The following ANKRD31 variants were observed in gnomAD, a reference collection of about 807,000 sequenced individuals.
ANKRD31 encodes ankyrin repeat domain 31, also known as ankyrin repeat domain-containing protein 31.
Under a neutral mutation model 186.0 loss-of-function variants are expected in ANKRD31, and 147 were observed. The ratio of observed to expected loss-of-function variants is 0.79; its 90% CI spans 0.69 to 0.91. ANKRD31 has a LOEUF of 0.91. Among genes scored for constraint, ANKRD31 ranks in the 40% least tolerant of loss-of-function variants. The pLI is 0.00. For missense variants in ANKRD31, 1,986 were observed against 2,148.8 expected (o/e 0.92, Z 1.50); for synonymous variants, 673 against 736.4 (o/e 0.91, Z 1.39).
At chr5:75,191,484 C>T (rs1429051234) in intron 9 of ANKRD31, among the ~76,000 whole-genome samples, 3 of 152,062 alleles carry the variant, frequency 2.0e-5, no homozygotes, top group South Asian at 2.1e-4. Context: ...TGGCTAGTCT[C>T]TCATATTTAC....
At chr5:75,164,749 T>C (rs907318421) in intron 11 of ANKRD31, among the ~76,000 whole-genome samples, 2 of 152,214 alleles carry the variant, frequency 1.3e-5, no homozygotes, top group African/African-American at 2.4e-5. Context: ...ACCACAGCTC[T>C]TATAGCAACC....
intron 25 of ANKRD31, among the ~76,000 whole-genome samples, chr5:75,072,943 A>G (rs908314601): frequency 2.6e-5 from 4 of 152,186 alleles, no homozygotes; most frequent in Admixed American, 2.0e-4. Context: ...TGATATATAA[A>G]TGCAGCCATC....
Position 75,144,151 on chromosome 5 carries a change from T to C in ANKRD31, c.3445A>G (p.Ile1149Val). 2.5e-6 allele frequency: 1 copy of C among 397,310 alleles called. No individual in the cohort carries two copies. Among genetic ancestry groups the C allele is most frequent in the East Asian group, 3.6e-5 (1 of 27,924 alleles). The allele number at this position is 397,310 out of a possible 1,614,324, so 24.6% of individuals were successfully genotyped here. Residue 1149 changes from isoleucine (I) to valine (V), a missense_variant, in exon 15 of 26, where the codon ATC (isoleucine) becomes GTC (valine). Ile to Val is a conservative substitution (Grantham distance 29, BLOSUM62 3). Transcript: ENST00000506364. The stretch of plus-strand genomic sequence containing the variant: ...CTTATAGTTATTTCATCTCCACTGA[T>C]GTTATTAGTTAATTCCTCATCTGAA... ...HKPDEELTNN[I>V]SGDEITIRNC...
chr5:75,181,358 C>T (rs560740843), intron 10 of ANKRD31, among the ~76,000 whole-genome samples: 44 of 152,104 alleles, frequency 2.9e-4, no homozygotes, highest in African/African-American at 8.2e-4. Context: ...CTAGAAATAC[C>T]ATTTGACCCA....
At chr5:75,094,887 T>C (rs992050144) in intron 22 of ANKRD31, among the ~76,000 whole-genome samples, 1 of 152,060 alleles carries the variant, frequency 6.6e-6, no homozygotes, top group Non-Finnish European at 1.5e-5. Context: ...GGAATGGCTA[T>C]ACAATATCAA....
intron 2 of ANKRD31, among the ~76,000 whole-genome samples, chr5:75,226,243 C>T (rs967122309): frequency 6.6e-6 from 1 of 152,166 alleles, no homozygotes; most frequent in Non-Finnish European, 1.5e-5. Flanking sequence ...GCTCACTGTA[C>T]TGAAGGGAAG....
intron 17 of ANKRD31, among the ~76,000 whole-genome samples, chr5:75,124,931 A>G (rs777550791): frequency 9.9e-5 from 15 of 152,208 alleles, no homozygotes; most frequent in Non-Finnish European, 2.1e-4. Flanking sequence ...CAATATATCC[A>G]TTTAACAAAA....
At chr5:75,202,424 G>A (rs1314145000) in intron 5 of ANKRD31, among the ~76,000 whole-genome samples, 3 of 152,010 alleles carry the variant, frequency 2.0e-5, no homozygotes, top group South Asian at 2.1e-4. Context: ...TTGAATTTTT[G>A]TCTATCCTTT....
intron 10 of ANKRD31, among the ~76,000 whole-genome samples, chr5:75,169,530 C>A (rs1394886214): frequency 1.3e-5 from 2 of 152,156 alleles, no homozygotes; most frequent in Non-Finnish European, 2.9e-5. Flanking sequence ...GACTACATAT[C>A]ACTCAGTTCA....
intron 15 of ANKRD31, among the ~76,000 whole-genome samples, chr5:75,142,295 C>T (rs985370786): frequency 7.9e-5 from 12 of 152,092 alleles, no homozygotes; most frequent in African/African-American, 2.4e-4. Flanking sequence ...TGTTCACTCG[C>T]TATTCTCCCT....
At chr5:75,077,017 A>T (rs1157751274) in intron 25 of ANKRD31, among the ~76,000 whole-genome samples, 1 of 152,166 alleles carries the variant, frequency 6.6e-6, no homozygotes, top group East Asian at 1.9e-4. Context: ...TGCCTTTTTT[A>T]AAAATAAAAG....
At chr5:75,181,136 G>T (rs1235539779) in intron 10 of ANKRD31, among the ~76,000 whole-genome samples, 3 of 152,142 alleles carry the variant, frequency 2.0e-5, no homozygotes, top group Middle Eastern at 6.8e-3. Flanking sequence ...ATGAAAAAAT[G>T]CTCATCATCA....
intron 3 of ANKRD31, among the ~76,000 whole-genome samples, chr5:75,215,529 A>G (rs1334451650): frequency 6.6e-6 from 1 of 152,172 alleles, no homozygotes; most frequent in Non-Finnish European, 1.5e-5. Context: ...CATACATGTA[A>G]AGAACTAGAA....
intron 4 of ANKRD31, among the ~76,000 whole-genome samples, chr5:75,208,882 C>G (rs1756425990): frequency 6.6e-6 from 1 of 152,220 alleles, no homozygotes. Context: ...CTGGACCTCA[C>G]TGGGTTATTG....
chr5:75,236,608 C>T lies in ANKRD31; in HGVS notation c.79G>A (p.Glu27Lys). 6.5e-7 allele frequency: 1 copy of T among 1,537,254 alleles called. No individual in the cohort carries two copies. The highest frequency in any genetic ancestry group is 1.2e-5 in the South Asian group (1 of 84,034). Reference sequence around the variant, plus strand: ...CTTCTCCAGGGCAGCTCCTTTTCTTCCAGGTCGCTCTCCGTCACTGAACCC... The same window carrying T: ...CTTCTCCAGGGCAGCTCCTTTTCTTTCAGGTCGCTCTCCGTCACTGAACCC... ...IEGSVTESDL[E>K]EKELPWRRLL... is the part of the protein sequence containing the mutation. The change falls in exon 1 of 26, where the codon GAA (glutamate) becomes AAA (lysine). Residue 27 changes from glutamate to lysine, a missense_variant. Glu to Lys is a moderately conservative substitution (Grantham distance 56, BLOSUM62 1). Transcript: ENST00000506364.
intron 15 of ANKRD31, among the ~76,000 whole-genome samples, chr5:75,140,286 AAAGGAAGGAAGGAAGG>A (rs55831869): frequency 0.44 from 61,882 of 140,798 alleles, 14,058 homozygotes; most frequent in African/African-American, 0.59. Flanking sequence ...AGAGAGAAAG[AAAGGAAGGAAGGAAGG>A]AAGGAAGGAA....
intron 24 of ANKRD31, among the ~76,000 whole-genome samples, chr5:75,083,750 G>C (rs1745269240): frequency 2.0e-5 from 3 of 152,174 alleles, no homozygotes; most frequent in African/African-American, 7.2e-5. Flanking sequence ...AAAAAGTTGG[G>C]GGGGAAGCAC....
chr5:75,088,812 T>G (rs577488182), intron 23 of ANKRD31, among the ~76,000 whole-genome samples: 89 of 152,322 alleles, frequency 5.8e-4, no homozygotes, highest in Non-Finnish European at 1.0e-3. Flanking sequence ...CTGATAAAGT[T>G]GTTGCGTAAA....
Position 75,128,976 on chromosome 5 carries a change from T to C in ANKRD31, c.3876+8880A>G, listed in dbSNP as rs550601493. On this transcript the variant is annotated intron_variant, in intron 17 of 25. Transcript: ENST00000506364. The stretch of plus-strand genomic sequence containing the variant: ...TGTAAAGGCCAAAGGGCTTCTAACA[T>C]GGTTTGGCTTTGAGTCCCCACTCAA... Among the ~76,000 whole-genome samples the C allele has an allele frequency of 3.3e-5, 5 of 152,352 alleles. No homozygotes were observed. In the South Asian group the frequency reaches 6.2e-4, roughly 19 times the overall value.
Sources: gnomAD v4.1 joint callset for allele counts (sites outside exome capture counted in the v4.1 genomes callset) on GRCh38, gnomAD v4.1.1 for gene constraint, MANE v1.5 for transcripts, NCBI Gene and HGNC (gene_info 2026-07-23, HGNC 2026-07-21) for gene names.